Variants in ULK4 observed in about 807,000 individuals in gnomAD.
The protein encoded by ULK4 is unc-51 like kinase 4.
In ULK4, 133 loss-of-function variants were observed where a neutral mutation model predicts 160.6. The observed-to-expected ratio is 0.83, with a 90% confidence interval of 0.72 to 0.96. The LOEUF (loss-of-function observed/expected upper bound fraction) is 0.96, where lower values mean the gene tolerates loss of function less well. Ranked by LOEUF, ULK4 falls within the 40% of genes least tolerant of loss-of-function variation. ULK4 has a pLI of 0.00. For missense variants in ULK4, 1,580 were observed against 1,499.5 expected, an observed-to-expected ratio of 1.05 and a Z score of -0.89; for synonymous variants, 534 against 539.8, an observed-to-expected ratio of 0.99 and a Z score of 0.15.
intron 5 of ULK4, among the ~76,000 whole-genome samples, chr3:41,922,331 T>C (rs1699216159): frequency 6.6e-6 from 1 of 151,590 alleles, no homozygotes; most frequent in Non-Finnish European, 1.5e-5. Flanking sequence ...ACAAAAAAAT[T>C]TAAAACTTTG....
chr3:41,394,025 T>C (rs976671648), intron 35 of ULK4, among the ~76,000 whole-genome samples: 1 of 152,142 alleles, frequency 6.6e-6, no homozygotes, highest in Admixed American at 6.6e-5. Flanking sequence ...TCCAGGGATG[T>C]TGTCAAGATT....
At chr3:41,854,094 T>C (rs1299655949) in intron 17 of ULK4, 1 of 152,224 alleles carries the variant, frequency 6.6e-6, no homozygotes, top group Non-Finnish European at 1.5e-5. Context: ...GCAGGCTGCA[T>C]AAGAAATCAA....
intron 21 of ULK4, among the ~76,000 whole-genome samples, chr3:41,771,374 T>C (rs1453648902): frequency 6.6e-6 from 1 of 152,202 alleles, no homozygotes; most frequent in African/African-American, 2.4e-5. Context: ...TGTCACAGTG[T>C]TTTTGTAATC....
At chr3:41,638,554 A>C (rs2034053495) in intron 30 of ULK4, among the ~76,000 whole-genome samples, 1 of 152,252 alleles carries the variant, frequency 6.6e-6, no homozygotes, top group African/African-American at 2.4e-5. Flanking sequence ...AAGAATGTTA[A>C]GTGATACCAC....
In ULK4 at chr3:41,246,838, G is replaced by A; in HGVS notation, c.*91C>T. The A allele has an allele frequency of 6.8e-7, 1 of 1,460,070 alleles. No individual in the cohort carries two copies. Among genetic ancestry groups the A allele is most frequent in the Non-Finnish European group, 9.4e-7 (1 of 1,061,728 alleles). 90.4% of individuals were successfully genotyped at this position (1,460,070 alleles called of 1,614,324 possible). ...TTATTAGGTCCAAAGACAGCTGTGA[G>A]GGGATGTGGCAAAGGTGTCTGGGAG... On this transcript the variant is annotated 3_prime_UTR_variant, in exon 37 of 37. Transcript: ENST00000301831.
rs2036877765 is a variant in ULK4 at position 41,706,358 on chromosome 3, T to A, written c.2635-1053A>T. 9.7e-5 allele frequency among the ~76,000 whole-genome samples: 14 copies of A among 144,504 alleles called. 1 individual carries two copies. The allele number at this position is 144,504 out of a possible 152,430, so 94.8% of individuals were successfully genotyped here. A position where few individuals can be genotyped will look rare whatever the true frequency, so the allele number is the denominator to read the frequency against. ...ACTAATAAACAAAATAATATATATA[T>A]ATTTATATATATATTTAATATATAT... On this transcript the variant is annotated intron_variant, in intron 25 of 36. Coordinates refer to ENST00000301831, the MANE Select transcript of ULK4 (RefSeq NM_017886.4).
intron 18 of ULK4, among the ~76,000 whole-genome samples, chr3:41,833,580 G>A (rs1457210260): frequency 5.3e-4 from 81 of 152,150 alleles, no homozygotes; most frequent in Non-Finnish European, 2.9e-5. Context: ...GCAGGCGTGA[G>A]CCACTGCGCC....
chr3:41,575,262 A>T (rs1378988369), intron 31 of ULK4, among the ~76,000 whole-genome samples: 1 of 152,178 alleles, frequency 6.6e-6, no homozygotes, highest in Non-Finnish European at 1.5e-5. Flanking sequence ...ACCAGGATTT[A>T]GGGGTCCACA....
At chr3:41,700,935 A>C (rs1177301808) in intron 27 of ULK4, among the ~76,000 whole-genome samples, 1 of 152,176 alleles carries the variant, frequency 6.6e-6, no homozygotes, top group Non-Finnish European at 1.5e-5. Flanking sequence ...GACTTCTACA[A>C]ATGAAAAATA....
intron 29 of ULK4, among the ~76,000 whole-genome samples, chr3:41,679,263 AT>A (rs1300488948): frequency 6.6e-6 from 1 of 152,176 alleles, no homozygotes; most frequent in Admixed American, 6.6e-5. Context: ...AGAGGGTACT[AT>A]TTGCCACACA....
At chr3:41,336,185 T>C (rs996963404) in intron 35 of ULK4, among the ~76,000 whole-genome samples, 3 of 152,144 alleles carry the variant, frequency 2.0e-5, no homozygotes, top group Non-Finnish European at 2.9e-5. Context: ...GACTCCCCAA[T>C]AGGACCCCAG....
At chr3:41,741,327 C>T (rs59814215) in intron 22 of ULK4, among the ~76,000 whole-genome samples, 17,453 of 151,756 alleles carry the variant, frequency 0.12, 3,528 homozygotes, top group African/African-American at 0.39. Flanking sequence ...AGTTTTGCCA[C>T]TTTTACTTTA....
At chr3:41,391,491 C>T (rs1292596055) in intron 35 of ULK4, among the ~76,000 whole-genome samples, 1 of 151,738 alleles carries the variant, frequency 6.6e-6, no homozygotes, top group Non-Finnish European at 1.5e-5. Context: ...TATAATTTTA[C>T]CTTTTTATTA....
intron 13 of ULK4, among the ~76,000 whole-genome samples, chr3:41,898,920 C>G (rs561916398): frequency 3.3e-5 from 5 of 152,160 alleles, no homozygotes; most frequent in Non-Finnish European, 7.3e-5. Context: ...GACAAACATT[C>G]GATAAACAAC....
intron 32 of ULK4, among the ~76,000 whole-genome samples, chr3:41,508,392 T>C (rs2085465376): frequency 2.0e-5 from 3 of 152,102 alleles, no homozygotes; most frequent in Admixed American, 2.0e-4. Context: ...TCTTGGGCGC[T>C]CTATGGCCCT....
At chr3:41,286,285 A>AT (rs2079455477) in intron 35 of ULK4, among the ~76,000 whole-genome samples, 1 of 152,048 alleles carries the variant, frequency 6.6e-6, no homozygotes, top group African/African-American at 2.4e-5. Flanking sequence ...TTTAATCTCC[A>AT]TTTTTCAGAG....
chr3:41,481,845 A>G (rs2084336940), intron 32 of ULK4, among the ~76,000 whole-genome samples: 1 of 151,572 alleles, frequency 6.6e-6, no homozygotes, highest in Non-Finnish European at 1.5e-5. Context: ...AAAAAAAAAA[A>G]AAGAACAAAA....
intron 35 of ULK4, among the ~76,000 whole-genome samples, chr3:41,309,379 T>G (rs1293626925): frequency 1.3e-5 from 2 of 152,012 alleles, no homozygotes; most frequent in African/African-American, 4.8e-5. Flanking sequence ...CAGGCTGGAG[T>G]GCAGCAGTTA....
At chr3:41,640,183 G>A (rs1031023712) in intron 30 of ULK4, among the ~76,000 whole-genome samples, 14 of 152,206 alleles carry the variant, frequency 9.2e-5, no homozygotes, top group African/African-American at 3.1e-4. Flanking sequence ...GCCACTTACA[G>A]CTCTCACCTC....
Sources: gnomAD v4.1 joint callset for allele counts (sites outside exome capture counted in the v4.1 genomes callset) on GRCh38, gnomAD v4.1.1 for gene constraint, MANE v1.5 for transcripts, NCBI Gene and HGNC (gene_info 2026-07-23, HGNC 2026-07-21) for gene names.